The following ARHGEF28 variants were observed in gnomAD, a reference collection of about 807,000 sequenced individuals.
ARHGEF28 encodes the protein Rho guanine nucleotide exchange factor 28.
ARHGEF28 carries 152 observed loss-of-function variants against 206.6 expected under a neutral mutation model. The ratio of observed to expected loss-of-function variants is 0.74; its 90% CI spans 0.64 to 0.84. The LOEUF is 0.84. ARHGEF28 is among the 40% of genes least tolerant of loss of function. The pLI is 0.00. For missense variants in ARHGEF28, 2,028 were observed against 2,073.2 expected (o/e 0.98, Z 0.42); for synonymous variants, 763 against 776.4 (o/e 0.98, Z 0.29).
At chr5:73,912,779 T>C (rs537799396) in intron 35 of ARHGEF28, among the ~76,000 whole-genome samples, 2 of 152,220 alleles carry the variant, frequency 1.3e-5, no homozygotes, top group South Asian at 4.1e-4. Flanking sequence ...ATCTTACAAC[T>C]TTACTACAAT....
At chr5:73,780,002 A>G (rs1753745679) in intron 6 of ARHGEF28, among the ~76,000 whole-genome samples, 1 of 152,146 alleles carries the variant, frequency 6.6e-6, no homozygotes, top group Non-Finnish European at 1.5e-5. Context: ...CTGATGATTG[A>G]TTTTAGAACC....
Position 73,941,066 on chromosome 5 carries a change from C to T in ARHGEF28, c.*53C>T. On this transcript the variant is annotated 3_prime_UTR_variant, in exon 36 of 36. Transcript: ENST00000513042. ...AAAACACTGGCACTTTTGGGAGAAA[C>T]TTTTTGTCTCCATTCCTTATGTATG... The T allele has an allele frequency of 7.1e-6, 10 of 1,409,420 alleles. No individual in the cohort carries two copies. The highest frequency in any genetic ancestry group is 3.0e-5 in the Admixed American group (1 of 33,348). The allele number at this position is 1,409,420 out of a possible 1,614,324, so 87.3% of individuals were successfully genotyped here. A position where few individuals can be genotyped will look rare whatever the true frequency, so the allele number is the denominator to read the frequency against.
chr5:73,910,676 A>C (rs1288749256), intron 34 of ARHGEF28, among the ~76,000 whole-genome samples: 1 of 152,176 alleles, frequency 6.6e-6, no homozygotes, highest in African/African-American at 2.4e-5. Flanking sequence ...GTATAGTACT[A>C]TTCTGTTATG....
At chr5:73,727,417 A>G (rs1381062378) in intron 2 of ARHGEF28, among the ~76,000 whole-genome samples, 1 of 152,186 alleles carries the variant, frequency 6.6e-6, no homozygotes, top group Non-Finnish European at 1.5e-5. Context: ...GATTTTTATC[A>G]TGGAATCTTA....
intron 2 of ARHGEF28, among the ~76,000 whole-genome samples, chr5:73,711,217 A>T (rs1221815473): frequency 1.3e-5 from 2 of 152,148 alleles, no homozygotes; most frequent in South Asian, 2.1e-4. Context: ...CACTGGTATT[A>T]TACTGTATTA....
At chr5:73,736,325 AG>A (rs530466986) in intron 2 of ARHGEF28, among the ~76,000 whole-genome samples, 1 of 152,294 alleles carries the variant, frequency 6.6e-6, no homozygotes, top group Middle Eastern at 3.4e-3. Context: ...CCACAGTGGC[AG>A]GGCTTGCTGG....
intron 2 of ARHGEF28, among the ~76,000 whole-genome samples, chr5:73,732,344 T>C (rs1259889116): frequency 6.6e-6 from 1 of 152,154 alleles, no homozygotes; most frequent in Non-Finnish European, 1.5e-5. Flanking sequence ...TCAGCTTTTT[T>C]TTTTTCACTC....
intron 1 of ARHGEF28, among the ~76,000 whole-genome samples, chr5:73,658,061 G>GAGTCC (rs983104442): frequency 1.3e-5 from 2 of 151,746 alleles, no homozygotes. Context: ...TTCTGAAACA[G>GAGTCC]AGTCCATCCA....
chr5:73,686,488 A>T (rs1747478011), intron 2 of ARHGEF28, among the ~76,000 whole-genome samples: 1 of 152,034 alleles, frequency 6.6e-6, no homozygotes, highest in Non-Finnish European at 1.5e-5. Flanking sequence ...AAATAAAAAC[A>T]AAAACAAGTT....
intron 1 of ARHGEF28, among the ~76,000 whole-genome samples, chr5:73,648,794 C>G (rs1392765913): frequency 1.3e-5 from 2 of 152,134 alleles, no homozygotes; most frequent in African/African-American, 4.8e-5. Flanking sequence ...CTTCCTCCTC[C>G]TCTTCATTAA....
At chr5:73,852,544 G>A in intron 13 of ARHGEF28, 106 bp from the exon 14 acceptor site, 1 of 918,928 alleles carries the variant, frequency 1.1e-6, no homozygotes. Flanking sequence ...TTTTCTAGCT[G>A]GTAGTGTGTA....
intron 2 of ARHGEF28, among the ~76,000 whole-genome samples, chr5:73,689,787 A>T (rs1404898208): frequency 6.6e-6 from 1 of 152,108 alleles, no homozygotes; most frequent in African/African-American, 2.4e-5. Context: ...AACAAAAAAA[A>T]AAAACACCAG....
rs868649483 is a variant in ARHGEF28, at chr5:73,876,078, T to C, written c.2814+2832T>C. On this transcript the variant is annotated intron_variant, in intron 22 of 35. Coordinates refer to ENST00000513042, the MANE Select transcript of ARHGEF28 (RefSeq NM_001177693.2). ...CATAGAATGTTCTTCCATTTGTTTG[T>C]ATCCTCTTTTATTTCATTGAGCAGT... Among the ~76,000 whole-genome samples the C allele has an allele frequency of 1.7e-3, 257 of 149,486 alleles. 1 individual carries two copies. Among genetic ancestry groups the C allele is most frequent in the African/African-American group, 6.0e-3 (241 of 40,086 alleles).
chr5:73,693,488 T>C (rs1747975567), intron 2 of ARHGEF28, among the ~76,000 whole-genome samples: 1 of 152,186 alleles, frequency 6.6e-6, no homozygotes, highest in Admixed American at 6.5e-5. Flanking sequence ...TCTTCCCAGC[T>C]CAAAATAATA....
chr5:73,794,340 A>AGTT (rs10683146), intron 7 of ARHGEF28, 62 bp from the exon 8 acceptor site: 686,206 of 1,307,448 alleles, frequency 0.52, 185,455 homozygotes, highest in African/African-American at 0.79. Context: ...GTCAGCTAGT[A>AGTT]GTTGTTGTTC....
intron 9 of ARHGEF28, among the ~76,000 whole-genome samples, chr5:73,830,502 C>A (rs944993907): frequency 1.3e-5 from 2 of 149,972 alleles, no homozygotes; most frequent in Non-Finnish European, 3.0e-5. Flanking sequence ...TGCAGTGAGC[C>A]GAGATTGCGC....
At chr5:73,680,690 T>A (rs1351538104) in intron 1 of ARHGEF28, among the ~76,000 whole-genome samples, 4 of 152,136 alleles carry the variant, frequency 2.6e-5, no homozygotes, top group East Asian at 3.9e-4. Flanking sequence ...TAAAAAAAAA[T>A]TTTGAGTATA....
chr5:73,821,599 G>C (rs1335289878), intron 9 of ARHGEF28, among the ~76,000 whole-genome samples: 2 of 152,084 alleles, frequency 1.3e-5, no homozygotes, highest in Non-Finnish European at 2.9e-5. Flanking sequence ...TATTTTTGGA[G>C]TCACTTGAAG....
Position 73,940,713 on chromosome 5 carries a change from T to C in ARHGEF28, c.4949-131T>C, listed in dbSNP as rs548396246. 1.5e-4 allele frequency: 105 copies of C among 690,190 alleles called. No homozygotes were observed. The African/African-American group carries it at 1.9e-3, about 13-fold the overall frequency. 42.8% of individuals were successfully genotyped at this position (690,190 alleles called of 1,614,324 possible). ...TGACACCTATTATGTTCCTTTCTCA[T>C]TGGGCTTGGCCATTCTGTGGCTGAC... On this transcript the variant is annotated intron_variant, in intron 35 of 35. Coordinates refer to ENST00000513042, the MANE Select transcript of ARHGEF28 (RefSeq NM_001177693.2).
Sources: gnomAD v4.1 joint callset for allele counts (sites outside exome capture counted in the v4.1 genomes callset) on GRCh38, gnomAD v4.1.1 for gene constraint, MANE v1.5 for transcripts, NCBI Gene and HGNC (gene_info 2026-07-23, HGNC 2026-07-21) for gene names.